Variants in PSG4 observed in about 807,000 individuals in gnomAD.
PSG4 encodes pregnancy-specific beta-1-glycoprotein 4.
Under a neutral mutation model 44.3 loss-of-function variants are expected in PSG4, and 61 were observed. The ratio of observed to expected loss-of-function variants is 1.38; its 90% CI spans 1.12 to 1.70. The LOEUF is 1.70. Ranked by LOEUF, PSG4 falls within the 40% of genes most tolerant of loss-of-function variation. PSG4 has a pLI of 0.00. For missense variants in PSG4, 677 were observed against 511.7 expected (o/e 1.32, Z -3.12); for synonymous variants, 248 against 191.3 (o/e 1.30, Z -2.45).
rs996744666 is a variant in PSG4 at position 43,205,011 on chromosome 19, A to G, written c.64+462T>C. Reference sequence around the variant, plus strand: ...CCTACCACTTACCAATTCCGCTTCAATGTGACTTTCCTATTTTGACCCTCT... The same window carrying G: ...CCTACCACTTACCAATTCCGCTTCAGTGTGACTTTCCTATTTTGACCCTCT... On this transcript the variant is annotated intron_variant, in intron 1 of 5. Coordinates refer to ENST00000405312, the MANE Select transcript of PSG4 (RefSeq NM_002780.5). 1.3e-5 allele frequency: 3 copies of G among 226,356 alleles called. 1 individual carries two copies. The highest frequency in any genetic ancestry group is 8.0e-5 in the African/African-American group (3 of 37,598). The allele number at this position is 226,356 out of a possible 1,614,324, so 14.0% of individuals were successfully genotyped here. A position where few individuals can be genotyped will look rare whatever the true frequency, so the allele number is the denominator to read the frequency against.
At chr19:43,205,181 A>T (rs531157674) in intron 1 of PSG4, among the ~76,000 whole-genome samples, 1 of 120,706 alleles carries the variant, frequency 8.3e-6, no homozygotes, top group Non-Finnish European at 1.6e-5. Flanking sequence ...TATCTTGGCT[A>T]GCTGCAACTT....
In PSG4 at chr19:43,193,889, T is replaced by G. The variant is rs866851984; in HGVS notation, c.1243+451A>C. 293 of 686,096 alleles carry G rather than the reference T, an allele frequency of 4.3e-4. 8 individuals carry two copies. The Middle Eastern group carries it at 6.6e-3, about 15-fold the overall frequency. 42.5% of individuals were successfully genotyped at this position (686,096 alleles called of 1,614,324 possible). On this transcript the variant is annotated intron_variant, in intron 5 of 5. Coordinates refer to ENST00000405312, the MANE Select transcript of PSG4 (RefSeq NM_002780.5). Reference sequence around the variant, plus strand: ...ATTACCATAAACATATCAATACTCATGAATAGTTGCCCAATTCTGGGGCAG... The same window carrying G: ...ATTACCATAAACATATCAATACTCAGGAATAGTTGCCCAATTCTGGGGCAG...
At chr19:43,199,614 A>G (rs10407644) in intron 2 of PSG4, among the ~76,000 whole-genome samples, 2,608 of 145,194 alleles carry the variant, frequency 0.018, 474 homozygotes, top group African/African-American at 0.067. Context: ...TGAGCATTTC[A>G]GATTGTGGAT....
At chr19:43,203,143 A>T (rs1192092166) in intron 2 of PSG4, 2 of 146,512 alleles carry the variant, frequency 1.4e-5, no homozygotes, top group Non-Finnish European at 3.0e-5. Context: ...ATTTGCTTCC[A>T]TGAGAAAACA....
rs200086786 is a variant in PSG4, at chr19:43,204,083, T to C, written c.233A>G (p.Tyr78Cys). ...ACCGTCTACTACATATGATGTAATG[T>C]AATGGTAGAGGTATGTCATTTGCCC... ...YKGQMTYLYH[Y>C]ITSYVVDGQR... The change falls in exon 2 of 6, where the codon TAC becomes TGC. Residue 78 changes from tyrosine (Y) to cysteine (C), a missense_variant. By Grantham distance (194) the Tyr-to-Cys change is radical. Transcript: ENST00000405312. 1.2e-4 allele frequency: 189 copies of C among 1,586,274 alleles called. 57 individuals carry two copies. In the East Asian group the frequency reaches 4.9e-3, roughly 41 times the overall value.
Position 43,195,102 on chromosome 19 carries a change from A to G in PSG4, c.881T>C (p.Ile294Thr), listed in dbSNP as rs1474571124. 4.3e-6 allele frequency: 7 copies of G among 1,610,832 alleles called. 1 individual carries two copies. The highest frequency in any genetic ancestry group is 5.9e-6 in the Non-Finnish European group (7 of 1,179,056). ...TCTCGTGACATTGGGTAGAATGAGGATCCTGTTTTCAATGGGTCGCTTTAC... is the reference window on the plus strand; with the variant it reads ...TCTCGTGACATTGGGTAGAATGAGGGTCCTGTTTTCAATGGGTCGCTTTAC... ...PRVKRPIENR[I>T]LILPNVTRNE... is the part of the protein sequence containing the mutation. Residue 294 changes from isoleucine (I) to threonine (T), a missense_variant, in exon 4 of 6, where the codon ATC becomes ACC. Transcript: ENST00000405312.
At position 43,205,477 on chromosome 19, in the gene PSG4, G is replaced by A. The variant is rs1967743094; in HGVS notation, c.60C>T (p.Leu20=). 4.5e-6 allele frequency: 7 copies of A among 1,546,448 alleles called. No individual in the cohort carries two copies. The highest frequency in any genetic ancestry group is 5.3e-6 in the Non-Finnish European group (6 of 1,142,584). ...TQRITWKGVL[L]TASLLNFWNP... ...CCCAGGAAGTTCTCTCCTCACCTGT[G>A]AGCAGGACCCCCTTCCAGGTGATGC... is the stretch of plus-strand genomic sequence containing the variant. Residue 20 remains leucine, a synonymous_variant, in exon 1 of 6, where the codon CTC becomes CTT. Transcript: ENST00000405312.
At chr19:43,201,244 G>A (rs10422233) in intron 2 of PSG4, among the ~76,000 whole-genome samples, 93,379 of 144,142 alleles carry the variant, frequency 0.65, 33,826 homozygotes, top group East Asian at 0.89. Context: ...CTTTGAAGCA[G>A]GAATGATAAT....
At chr19:43,204,699 C>CCCCCCCCCCCCCCG (rs58719697) in intron 1 of PSG4, 3 of 190,912 alleles carry the variant, frequency 1.6e-5, no homozygotes, top group African/African-American at 1.2e-4. Flanking sequence ...TGTCTTCCCC[C>CCCCCCCCCCCCCCG]CACGATGACT....
rs145118922 is a variant in PSG4 at position 43,205,530 on chromosome 19, G to A, written c.7C>T (p.Pro3Ser). Residue 3 changes from proline (P) to serine (S), a missense_variant, in exon 1 of 6, where the codon CCC (proline) becomes TCC (serine). Transcript: ENST00000405312. MG[P>S]LSAPPCTQRI... ...TGTGTGCAGGGAGGGGCTGAGAGGG[G>A]CCCCATGGTCTCTGCTGCTTGTGTG... The A allele has an allele frequency of 1.9e-5, 29 of 1,551,310 alleles. 4 individuals carry two copies. The Admixed American group carries it at 5.1e-4, about 27-fold the overall frequency.
chr19:43,193,204 GTCGAACATTTTGGTGAGT>G lies in PSG4; in HGVS notation c.*150_*167del, dbSNP rs1489136248. ...CAGTTTGAGTAGCTGTTGTTATGGT[GTCGAACATTTTGGTGAGT>G]TCTGAGTGGCTCACATGTCAGGTAC... On this transcript the variant is annotated 3_prime_UTR_variant, in exon 6 of 6. Transcript: ENST00000405312. The G allele has an allele frequency of 3.4e-5, 26 of 760,012 alleles. No homozygotes were observed. The East Asian group carries it at 6.3e-4, about 18-fold the overall frequency. The allele number at this position is 760,012 out of a possible 1,614,324, so 47.1% of individuals were successfully genotyped here.
intron 2 of PSG4, among the ~76,000 whole-genome samples, chr19:43,199,475 T>A (rs939243397): frequency 6.9e-6 from 1 of 145,834 alleles, no homozygotes; most frequent in African/African-American, 2.6e-5. Context: ...GATTTCTAAT[T>A]TTTTTATTTT....
In PSG4 at chr19:43,193,813, T is replaced by C. The variant is rs184035676; in HGVS notation, c.1244-425A>G. The C allele has an allele frequency of 8.9e-3, 4,930 of 552,134 alleles. 98 individuals carry two copies. Among genetic ancestry groups the C allele is most frequent in the Admixed American group, 0.013 (348 of 27,070 alleles). The allele number at this position is 552,134 out of a possible 1,614,324, so 34.2% of individuals were successfully genotyped here. On this transcript the variant is annotated intron_variant, in intron 5 of 5. Coordinates refer to ENST00000405312, the MANE Select transcript of PSG4 (RefSeq NM_002780.5). ...GTAATATAACCAATGATTTGAAATG[T>C]GTCCTGTTACAAAGAGAGCAGATTG...
chr19:43,204,062 T>G lies in PSG4; in HGVS notation c.254A>C (p.Asp85Ala), dbSNP rs2122374432. Residue 85 changes from aspartate to alanine, a missense_variant, in exon 2 of 6, where the codon GAC becomes GCC. Transcript: ENST00000405312. ...AGGCCCATATATAATTCTTTGACCGTCTACTACATATGATGTAATGTAATG... is the reference window on the plus strand; with the variant it reads ...AGGCCCATATATAATTCTTTGACCGGCTACTACATATGATGTAATGTAATG... ...LYHYITSYVV[D>A]GQRIIYGPAY... 6.3e-7 allele frequency: 1 copy of G among 1,586,648 alleles called. No individual in the cohort carries two copies. Among genetic ancestry groups the G allele is most frequent in the African/African-American group, 1.4e-5 (1 of 69,684 alleles).
intron 2 of PSG4, 121 bp downstream of exon 2, chr19:43,203,765 C>A: frequency 6.7e-7 from 1 of 1,481,636 alleles, no homozygotes; most frequent in Non-Finnish European, 9.1e-7. Context: ...ATGCCCAAAC[C>A]CCAGCATGGG....
intron 3 of PSG4, chr19:43,196,671 T>C (rs1279872403): frequency 1.3e-5 from 2 of 151,476 alleles, no homozygotes. Flanking sequence ...GATTAGTTTT[T>C]GGTCAATTCC....
In PSG4 at chr19:43,193,343, G is replaced by C. The variant is rs747297293; in HGVS notation, c.*29C>G. 5.2e-6 allele frequency: 4 copies of C among 775,356 alleles called. No individual in the cohort carries two copies. The highest frequency in any genetic ancestry group is 9.6e-6 in the Non-Finnish European group (4 of 417,616). 48.0% of individuals were successfully genotyped at this position (775,356 alleles called of 1,614,324 possible). ...TCTTGCTCTTCGTGATTCCATGGGA[G>C]AAAATGGAATTGGAGGAACTAGTAG... is the stretch of plus-strand genomic sequence containing the variant. On this transcript the variant is annotated 3_prime_UTR_variant, in exon 6 of 6. Transcript: ENST00000405312.
rs1967089428 is a variant in PSG4 at position 43,193,309 on chromosome 19, C to G, written c.*63G>C. 4 of 774,668 alleles carry G rather than the reference C, an allele frequency of 5.2e-6. No individual in the cohort carries two copies. The East Asian group carries it at 9.7e-5, about 19-fold the overall frequency. 48.0% of individuals were successfully genotyped at this position (774,668 alleles called of 1,614,324 possible). A position where few individuals can be genotyped will look rare whatever the true frequency, so the allele number is the denominator to read the frequency against. ...CCTCCAGCTTATAGGGCTTCTGGAA[C>G]AGAGTGGGTCTTGCTCTTCGTGATT... is the stretch of plus-strand genomic sequence containing the variant. On this transcript the variant is annotated 3_prime_UTR_variant, in exon 6 of 6. Transcript: ENST00000405312.
chr19:43,202,723 G>A (rs1412257218), intron 2 of PSG4, among the ~76,000 whole-genome samples: 5 of 145,002 alleles, frequency 3.4e-5, no homozygotes, highest in African/African-American at 1.3e-4. Flanking sequence ...CATATTTTTT[G>A]CACTGACTCT....
Sources: allele counts gnomAD v4.1 joint callset (sites outside exome capture counted in the v4.1 genomes callset), GRCh38; gene constraint gnomAD v4.1.1; transcripts MANE v1.5; gene names NCBI Gene and HGNC (gene_info 2026-07-23, HGNC 2026-07-21).